ASTN2: variants seen among roughly 807,000 people sequenced by gnomAD.
ASTN2 encodes the protein astrotactin 2, also known as astrotactin-2.
A neutral mutation model predicts 139.8 loss-of-function variants in ASTN2; 54 were observed. That is an observed-to-expected ratio of 0.39 (90% CI 0.31 to 0.48). The LOEUF (loss-of-function observed/expected upper bound fraction) is 0.48, where lower values mean the gene tolerates loss of function less well. Among genes scored for constraint, ASTN2 ranks in the 20% least tolerant of loss-of-function variants. ASTN2 has a pLI of 0.95. For synonymous variants in ASTN2, 756 were observed against 719.5 expected, an observed-to-expected ratio of 1.05 and a Z score of -0.81; for missense variants, 1,565 against 1,725.1, an observed-to-expected ratio of 0.91 and a Z score of 1.64.
chr9:117,137,341 C>G (rs373232425), intron 4 of ASTN2, among the ~76,000 whole-genome samples: 4 of 152,202 alleles, frequency 2.6e-5, no homozygotes, highest in Non-Finnish European at 5.9e-5. Flanking sequence ...CACCGTGGCC[C>G]GGGGATGAGG....
At chr9:116,559,958 T>C (rs1033337546) in intron 19 of ASTN2, among the ~76,000 whole-genome samples, 11 of 152,188 alleles carry the variant, frequency 7.2e-5, no homozygotes, top group Non-Finnish European at 1.6e-4. Flanking sequence ...CGCTTTTTAT[T>C]GATAAAGAAA....
At chr9:116,612,980 A>T (rs931302924) in intron 19 of ASTN2, 39 of 152,254 alleles carry the variant, frequency 2.6e-4, no homozygotes, top group African/African-American at 9.1e-4. Context: ...TACTAGCAAG[A>T]CTCATAAAGA....
intron 6 of ASTN2, among the ~76,000 whole-genome samples, chr9:117,022,176 C>T (rs890968028): frequency 6.6e-6 from 1 of 152,072 alleles, no homozygotes; most frequent in Admixed American, 6.6e-5. Flanking sequence ...ACACACAACT[C>T]CTGCTGCCTC....
intron 3 of ASTN2, among the ~76,000 whole-genome samples, chr9:117,150,415 A>G (rs1037079362): frequency 2.0e-5 from 3 of 152,210 alleles, no homozygotes; most frequent in African/African-American, 7.2e-5. Context: ...TTGATACTAT[A>G]GGCCCACAAA....
rs1829838817 is a variant in ASTN2, at chr9:117,132,002, C to A, written c.1168+9324G>T. Reference sequence around the variant, plus strand: ...TTATATGGTCAAATGGCATAAATAGCCAATGATTTCACAAATTAGAGGACT... The same window carrying A: ...TTATATGGTCAAATGGCATAAATAGACAATGATTTCACAAATTAGAGGACT... On this transcript the variant is annotated intron_variant, in intron 4 of 22. Coordinates refer to ENST00000313400, the MANE Select transcript of ASTN2 (RefSeq NM_001365068.1). Among the ~76,000 whole-genome samples, 2 of 152,046 alleles carry A rather than the reference C, an allele frequency of 1.3e-5. 1 individual carries two copies. Among genetic ancestry groups the A allele is most frequent in the South Asian group, 4.2e-4 (2 of 4,810 alleles).
chr9:117,072,493 G>A (rs1490042543), intron 5 of ASTN2, among the ~76,000 whole-genome samples: 3 of 152,224 alleles, frequency 2.0e-5, no homozygotes, highest in African/African-American at 7.2e-5. Context: ...GAAATTGAGA[G>A]AGGATACATG....
chr9:117,038,627 T>G (rs1838463684), intron 6 of ASTN2, among the ~76,000 whole-genome samples: 1 of 152,228 alleles, frequency 6.6e-6, no homozygotes, highest in South Asian at 2.1e-4. Context: ...ATGTATACAA[T>G]TTTTAAAGGG....
At chr9:117,057,971 G>C (rs1587912964) in intron 5 of ASTN2, among the ~76,000 whole-genome samples, 1 of 152,086 alleles carries the variant, frequency 6.6e-6, no homozygotes, top group Non-Finnish European at 1.5e-5. Flanking sequence ...CTTCATAAAG[G>C]GCAAAACATA....
chr9:116,766,610 C>T (rs1399730334), intron 13 of ASTN2, among the ~76,000 whole-genome samples: 2 of 151,960 alleles, frequency 1.3e-5, no homozygotes, highest in Non-Finnish European at 2.9e-5. Flanking sequence ...CACACACAAG[C>T]ATACATATTT....
chr9:116,571,528 T>G (rs1285639101), intron 19 of ASTN2, among the ~76,000 whole-genome samples: 2 of 152,224 alleles, frequency 1.3e-5, no homozygotes, highest in Non-Finnish European at 2.9e-5. Flanking sequence ...TGGTGTGTGC[T>G]GTGCTGTGGG....
At chr9:117,147,957 T>C (rs951965552) in intron 3 of ASTN2, among the ~76,000 whole-genome samples, 5 of 152,182 alleles carry the variant, frequency 3.3e-5, no homozygotes, top group Non-Finnish European at 7.3e-5. Flanking sequence ...ATAGCTTAGC[T>C]CCTCTTCAGA....
At chr9:116,530,512 G>A (rs1013859402) in intron 19 of ASTN2, among the ~76,000 whole-genome samples, 2 of 151,614 alleles carry the variant, frequency 1.3e-5, no homozygotes, top group African/African-American at 4.8e-5. Flanking sequence ...TAGTATGTGA[G>A]GTAATGCATA....
intron 13 of ASTN2, among the ~76,000 whole-genome samples, chr9:116,744,818 A>G (rs936098225): frequency 3.3e-5 from 5 of 152,156 alleles, no homozygotes; most frequent in Non-Finnish European, 5.9e-5. Context: ...GTCCCATCAC[A>G]TATGTCCTCG....
At chr9:116,940,194 G>A (rs1168922939) in intron 10 of ASTN2, among the ~76,000 whole-genome samples, 1 of 152,122 alleles carries the variant, frequency 6.6e-6, no homozygotes, top group Non-Finnish European at 1.5e-5. Flanking sequence ...TGAGCCTCTC[G>A]CTTCAGTTTC....
intron 16 of ASTN2, among the ~76,000 whole-genome samples, chr9:116,716,649 G>T (rs142750234): frequency 2.6e-5 from 4 of 152,166 alleles, no homozygotes; most frequent in African/African-American, 9.7e-5. Flanking sequence ...GAACCTCAAT[G>T]CAGTATTCCA....
intron 13 of ASTN2, among the ~76,000 whole-genome samples, chr9:116,741,259 C>G (rs180685637): frequency 1.2e-4 from 19 of 152,240 alleles, no homozygotes; most frequent in Non-Finnish European, 2.1e-4. Flanking sequence ...TGAGGTATTC[C>G]AGGAAGGTAA....
intron 17 of ASTN2, 105 bp from the exon 18 acceptor site, chr9:116,620,548 G>T: frequency 7.2e-7 from 1 of 1,392,430 alleles, no homozygotes; most frequent in Non-Finnish European, 1.0e-6. Context: ...CTTTAGAGTA[G>T]CCCCTTTAAG....
intron 10 of ASTN2, among the ~76,000 whole-genome samples, chr9:116,899,341 T>A (rs1299569131): frequency 6.6e-6 from 1 of 152,192 alleles, no homozygotes; most frequent in Non-Finnish European, 1.5e-5. Context: ...GGCCTCTTGC[T>A]TTTACATGGG....
chr9:117,089,765 G>A (rs1397941394), intron 5 of ASTN2, among the ~76,000 whole-genome samples: 1 of 149,932 alleles, frequency 6.7e-6, no homozygotes, highest in East Asian at 2.0e-4. Flanking sequence ...ACATATCAGT[G>A]AGAACATATG....
Sources: allele counts gnomAD v4.1 joint callset (sites outside exome capture counted in the v4.1 genomes callset), GRCh38; gene constraint gnomAD v4.1.1; transcripts MANE v1.5; gene names NCBI Gene and HGNC (gene_info 2026-07-23, HGNC 2026-07-21).